SOBP: variants seen among roughly 807,000 people sequenced by gnomAD.
SOBP encodes the protein sine oculis binding protein homolog.
A neutral mutation model predicts 53.6 loss-of-function variants in SOBP; 4 were observed. The ratio of observed to expected loss-of-function variants is 0.07; its 90% CI spans 0.04 to 0.17. The LOEUF (loss-of-function observed/expected upper bound fraction) is 0.17, where lower values mean the gene tolerates loss of function less well. SOBP is among the 10% of genes least tolerant of loss of function. The pLI is 1.00. For missense variants in SOBP, 1,088 were observed against 1,204.7 expected (o/e 0.90, Z 1.43); for synonymous variants, 584 against 522.6 (o/e 1.12, Z -1.60).
At chr6:107,590,186 C>T (rs1298000512) in intron 5 of SOBP, among the ~76,000 whole-genome samples, 2 of 152,128 alleles carry the variant, frequency 1.3e-5, no homozygotes, top group East Asian at 3.9e-4. Context: ...TTCTCCTCAG[C>T]CACGACTTTC....
chr6:107,616,505 G>A (rs1378378985), intron 5 of SOBP, among the ~76,000 whole-genome samples: 1 of 152,184 alleles, frequency 6.6e-6, no homozygotes, highest in East Asian at 1.9e-4. Context: ...TAGACAGCTG[G>A]GGACTTTTCT....
intron 2 of SOBP, 142 bp downstream of exon 2, chr6:107,503,937 C>A: frequency 2.0e-6 from 2 of 1,025,290 alleles, no homozygotes; most frequent in Non-Finnish European, 3.0e-6. Context: ...CCCAATAGTG[C>A]TTTCCCATAA....
intron 3 of SOBP, among the ~76,000 whole-genome samples, chr6:107,511,137 G>C (rs1783158143): frequency 6.6e-6 from 1 of 152,170 alleles, no homozygotes; most frequent in South Asian, 2.1e-4. Flanking sequence ...AAGGTCACAT[G>C]GCTTCTAAGT....
At chr6:107,592,347 T>C (rs139540101) in intron 5 of SOBP, among the ~76,000 whole-genome samples, 345 of 152,338 alleles carry the variant, frequency 2.3e-3, no homozygotes, top group Non-Finnish European at 4.2e-3. Context: ...AAATTCTGGA[T>C]GGCTGCCATA....
At chr6:107,603,598 C>A (rs1583261276) in intron 5 of SOBP, among the ~76,000 whole-genome samples, 1 of 152,284 alleles carries the variant, frequency 6.6e-6, no homozygotes, top group East Asian at 1.9e-4. Context: ...GTCTCAAAAG[C>A]AGCTTAAGTA....
chr6:107,525,461 A>AG (rs1783634818), intron 3 of SOBP, among the ~76,000 whole-genome samples: 1 of 152,178 alleles, frequency 6.6e-6, no homozygotes, highest in South Asian at 2.1e-4. Context: ...GGAGTACGGG[A>AG]GAATAAATGA....
chr6:107,524,274 A>G (rs11758333), intron 3 of SOBP, among the ~76,000 whole-genome samples: 2 of 152,010 alleles, frequency 1.3e-5, no homozygotes, highest in East Asian at 3.9e-4. Context: ...CTTGTCGCTT[A>G]TCACGTTCAT....
intron 3 of SOBP, among the ~76,000 whole-genome samples, chr6:107,515,661 A>G (rs1783296985): frequency 6.6e-6 from 1 of 152,212 alleles, no homozygotes; most frequent in Non-Finnish European, 1.5e-5. Flanking sequence ...AGGCACAAGA[A>G]TTGCTTGAAC....
At chr6:107,656,287 A>AAAAG (rs1184787226) in intron 6 of SOBP, among the ~76,000 whole-genome samples, 253 of 124,338 alleles carry the variant, frequency 2.0e-3, no homozygotes, top group Middle Eastern at 0.011. Context: ...AGAAAGAAAG[A>AAAAG]AAAGAAAGAA....
chr6:107,528,541 A>G (rs184321625), intron 3 of SOBP, among the ~76,000 whole-genome samples: 2 of 152,324 alleles, frequency 1.3e-5, no homozygotes, highest in Admixed American at 1.3e-4. Context: ...TTTGCAGCAA[A>G]TCCATGTCTC....
At chr6:107,545,204 C>A (rs1008360291) in intron 4 of SOBP, among the ~76,000 whole-genome samples, 2 of 152,168 alleles carry the variant, frequency 1.3e-5, no homozygotes, top group African/African-American at 4.8e-5. Context: ...ACAGAAAGGG[C>A]AGATACTCAC....
At chr6:107,577,227 G>A (rs910482674) in intron 4 of SOBP, among the ~76,000 whole-genome samples, 2 of 152,206 alleles carry the variant, frequency 1.3e-5, no homozygotes, top group Non-Finnish European at 2.9e-5. Context: ...ACTCACTCAG[G>A]GCAGTGACCT....
At chr6:107,597,885 A>G (rs1369011013) in intron 5 of SOBP, among the ~76,000 whole-genome samples, 1 of 152,228 alleles carries the variant, frequency 6.6e-6, no homozygotes, top group Non-Finnish European at 1.5e-5. Context: ...TATACACTGC[A>G]TGAAGACAAT....
At chr6:107,492,107 G>C (rs776949833) in intron 1 of SOBP, among the ~76,000 whole-genome samples, 1 of 152,180 alleles carries the variant, frequency 6.6e-6, no homozygotes, top group African/African-American at 2.4e-5. Context: ...AGGGAGATTT[G>C]CCTTGGAAAT....
intron 3 of SOBP, among the ~76,000 whole-genome samples, chr6:107,529,992 C>T (rs752823943): frequency 3.3e-5 from 5 of 151,990 alleles, no homozygotes; most frequent in Non-Finnish European, 7.4e-5. Flanking sequence ...TTATACAAAC[C>T]GTTCTCTTTG....
chr6:107,504,205 T>G (rs1782918746), intron 2 of SOBP, among the ~76,000 whole-genome samples: 2 of 152,226 alleles, frequency 1.3e-5, no homozygotes. Flanking sequence ...GATTCACTGT[T>G]AGTTTGGTAA....
intron 4 of SOBP, among the ~76,000 whole-genome samples, chr6:107,542,082 G>T (rs991672446): frequency 5.9e-5 from 9 of 151,948 alleles, no homozygotes; most frequent in African/African-American, 1.9e-4. Flanking sequence ...CACTCTAGCG[G>T]GGGAGATAGA....
chr6:107,549,194 G>A (rs1159247331), intron 4 of SOBP, among the ~76,000 whole-genome samples: 2 of 152,038 alleles, frequency 1.3e-5, no homozygotes, highest in Non-Finnish European at 2.9e-5. Flanking sequence ...ATGAACCCGG[G>A]AGGCGGAGCT....
intron 4 of SOBP, among the ~76,000 whole-genome samples, chr6:107,583,061 AG>A (rs1785453525): frequency 6.6e-6 from 1 of 152,216 alleles, no homozygotes; most frequent in Non-Finnish European, 1.5e-5. Context: ...ACCCCACCCA[AG>A]TGGGGGCAGA....
Sources: allele counts gnomAD v4.1 joint callset (sites outside exome capture counted in the v4.1 genomes callset), GRCh38; gene constraint gnomAD v4.1.1; transcripts MANE v1.5; gene names NCBI Gene and HGNC (gene_info 2026-07-23, HGNC 2026-07-21).